The following VCAN variants were observed in gnomAD, a reference collection of about 807,000 sequenced individuals.
VCAN encodes the protein versican, also known as versican core protein.
VCAN carries 44 observed loss-of-function variants against 245.5 expected under a neutral mutation model. That is an observed-to-expected ratio of 0.18 (90% CI 0.14 to 0.23). The LOEUF is 0.23. Ranked by LOEUF, VCAN falls within the 10% of genes least tolerant of loss-of-function variation. The pLI is 1.00. For synonymous variants in VCAN, 1,413 were observed against 1,437.0 expected, an observed-to-expected ratio of 0.98 and a Z score of 0.38; for missense variants, 3,793 against 4,057.9, an observed-to-expected ratio of 0.93 and a Z score of 1.77.
In VCAN at chr5:83,537,326, G is replaced by A. The variant is rs2548541; in HGVS notation, c.4323G>A (p.Gln1441=). Residue 1441 remains glutamine (Q), a synonymous_variant, in exon 8 of 15, where the codon CAG becomes CAA. Coordinates refer to ENST00000265077, the MANE Select transcript of VCAN (RefSeq NM_004385.5). ...RGQFESVAPS[Q]NFSDSSESDT... ...AGTTTGAAAGTGTTGCACCTTCTCA[G>A]AATTTCTCGGACAGCTCTGAAAGTG... The A allele has an allele frequency of 0.62, 1,005,257 of 1,613,732 alleles. 315,623 individuals are homozygous for A. Among genetic ancestry groups the A allele is most frequent in the African/African-American group, 0.81 (60,606 of 74,958 alleles).
At position 83,519,623 on chromosome 5, in the gene VCAN, C is replaced by T; in HGVS notation, c.1317C>T (p.Tyr439=). The change falls in exon 7 of 15, where the codon TAC becomes TAT. Residue 439 remains tyrosine (Y), a synonymous_variant. Transcript: ENST00000265077. ...AGAAGCCCTGGGATATGGATGACTA[C>T]TCACCTTCTGCTTCAGGACCTCTTG... The part of the protein sequence containing the change: ...STKKPWDMDD[Y]SPSASGPLGK... 6.2e-7 allele frequency: 1 copy of T among 1,614,166 alleles called. No homozygotes were observed. Among genetic ancestry groups the T allele is most frequent in the Non-Finnish European group, 8.5e-7 (1 of 1,179,996 alleles).
rs957840587 is a variant in VCAN at position 83,516,104 on chromosome 5, C to T, written c.1043-3245C>T. On this transcript the variant is annotated intron_variant, in intron 6 of 14. Coordinates refer to ENST00000265077, the MANE Select transcript of VCAN (RefSeq NM_004385.5). ...AAAATTAGCCGGGCATGGTGGCGGGCGCCTGTAGTCCCAGTCCCTAACCCA... is the reference window on the plus strand; with the variant it reads ...AAAATTAGCCGGGCATGGTGGCGGGTGCCTGTAGTCCCAGTCCCTAACCCA... Among the ~76,000 whole-genome samples the T allele has an allele frequency of 7.2e-5, 11 of 152,006 alleles. No individual in the cohort carries two copies. The South Asian group carries it at 1.7e-3, about 23-fold the overall frequency.
chr5:83,558,601 T>A (rs2112478033), intron 12 of VCAN, among the ~76,000 whole-genome samples: 1 of 152,302 alleles, frequency 6.6e-6, no homozygotes, highest in African/African-American at 2.4e-5. Flanking sequence ...TCCATTTTAC[T>A]CAAATAATTA....
intron 12 of VCAN, among the ~76,000 whole-genome samples, chr5:83,558,575 GTC>G (rs1747757109): frequency 6.6e-6 from 1 of 151,920 alleles, no homozygotes; most frequent in African/African-American, 2.4e-5. Flanking sequence ...TTTATATTAG[GTC>G]TCAATTTCAA....
At position 83,553,441 on chromosome 5, in the gene VCAN, G is replaced by A; in HGVS notation, c.9571G>A (p.Asp3191Asn). ...ATACTTTGCCCATCGACGCACATGGGATGCAGCTGAACGGGAATGCCGTCT... is the reference window on the plus strand; with the variant it reads ...ATACTTTGCCCATCGACGCACATGGAATGCAGCTGAACGGGAATGCCGTCT... ...YKYFAHRRTW[D>N]AAERECRLQG... Residue 3191 changes from aspartate to asparagine, a missense_variant, in exon 11 of 15, where the codon GAT becomes AAT. Transcript: ENST00000265077. 2 of 1,614,070 alleles carry A rather than the reference G, an allele frequency of 1.2e-6. No homozygotes were observed.
chr5:83,556,269 C>T (rs543333818), intron 12 of VCAN, among the ~76,000 whole-genome samples: 4 of 152,222 alleles, frequency 2.6e-5, no homozygotes, highest in Non-Finnish European at 4.4e-5. Flanking sequence ...AATCACAAAG[C>T]TGTTAACTGA....
Position 83,520,035 on chromosome 5 carries a change from C to T in VCAN, c.1729C>T (p.Pro577Ser). The T allele has an allele frequency of 6.2e-7, 1 of 1,614,066 alleles. No individual in the cohort carries two copies. Reference sequence around the variant, plus strand: ...GAGCACCTTGATCTTTGACCAAATTCCTGAAGTCATTACGGTGTCAAAGAC... The same window carrying T: ...GAGCACCTTGATCTTTGACCAAATTTCTGAAGTCATTACGGTGTCAAAGAC... ...DESTLIFDQI[P>S]EVITVSKTSE... Residue 577 changes from proline (P) to serine (S), a missense_variant, in exon 7 of 15, where the codon CCT (proline) becomes TCT (serine). Physicochemically the swap from Pro to Ser is moderately conservative, Grantham distance 74. Coordinates refer to ENST00000265077, the MANE Select transcript of VCAN (RefSeq NM_004385.5).
chr5:83,578,572 C>T (rs1748559224), intron 13 of VCAN, among the ~76,000 whole-genome samples: 1 of 151,980 alleles, frequency 6.6e-6, no homozygotes, highest in South Asian at 2.1e-4. Flanking sequence ...CAAAATTTGT[C>T]ATTGCAGAAG....
chr5:83,536,930 A>C, intron 7 of VCAN, 77 bp from the exon 8 acceptor site: 2 of 1,286,240 alleles, frequency 1.6e-6, no homozygotes, highest in Admixed American at 5.0e-5. Flanking sequence ...GGGTGTGACC[A>C]GCCTTGCTAT....
chr5:83,509,606 G>A (rs187542614), intron 5 of VCAN, among the ~76,000 whole-genome samples: 1 of 152,142 alleles, frequency 6.6e-6, no homozygotes, highest in Admixed American at 6.5e-5. Context: ...TGGTAGTTTC[G>A]CCTTAAGGTA....
chr5:83,540,881 T>A lies in VCAN; in HGVS notation c.7878T>A (p.Ala2626=), dbSNP rs1746949668. 1 of 1,613,906 alleles carries A rather than the reference T, an allele frequency of 6.2e-7. No individual in the cohort carries two copies. Among genetic ancestry groups the A allele is most frequent in the Non-Finnish European group, 8.5e-7 (1 of 1,179,990 alleles). ...STQVQEIYEA[A]VNLSLTEETF... ...AAGTTCAAGAGATCTATGAGGCAGC[T>A]GTCAACCTTTCTTTAACTGAGGAAA... The change falls in exon 8 of 15, where the codon GCT becomes GCA. Residue 2626 remains alanine, a synonymous_variant. Coordinates refer to ENST00000265077, the MANE Select transcript of VCAN (RefSeq NM_004385.5).
intron 2 of VCAN, among the ~76,000 whole-genome samples, chr5:83,489,561 A>G (rs1050760337): frequency 1.3e-5 from 2 of 152,202 alleles, no homozygotes; most frequent in African/African-American, 4.8e-5. Flanking sequence ...GCATCCTTCA[A>G]ATGTTAGGCT....
chr5:83,488,356 T>A (rs1294642898), intron 2 of VCAN, among the ~76,000 whole-genome samples: 1 of 152,186 alleles, frequency 6.6e-6, no homozygotes, highest in Non-Finnish European at 1.5e-5. Flanking sequence ...GAAAAGGAAC[T>A]GAAAAGAACA....
chr5:83,512,130 G>A lies in VCAN; in HGVS notation c.776G>A (p.Ser259Asn). 6.2e-7 allele frequency: 1 copy of A among 1,613,980 alleles called. No homozygotes were observed. The highest frequency in any genetic ancestry group is 1.1e-5 in the South Asian group (1 of 91,074). Residue 259 changes from serine (S) to asparagine (N), a missense_variant, in exon 6 of 15, where the codon AGT becomes AAT. Coordinates refer to ENST00000265077, the MANE Select transcript of VCAN (RefSeq NM_004385.5). ...GATGTGTTCCACCTCACTGTCCCCA[G>A]TAAATTCACCTTCGAGGAGGCTGCA... ...DGDVFHLTVP[S>N]KFTFEEAAKE... is the part of the protein sequence containing the mutation.
intron 12 of VCAN, among the ~76,000 whole-genome samples, chr5:83,559,568 C>T (rs967396568): frequency 6.6e-6 from 1 of 152,090 alleles, no homozygotes; most frequent in African/African-American, 2.4e-5. Context: ...CATTTCATCT[C>T]ACAAACAGTC....
rs1317363446 is a variant in VCAN, at chr5:83,538,189, A to T, written c.5186A>T (p.Glu1729Val). Reference sequence around the variant, plus strand: ...GAGGAAAAGAAAAGGAAGGAGGAGGAGGGAACTACAGGTACGGCTTCTACA... The same window carrying T: ...GAGGAAAAGAAAAGGAAGGAGGAGGTGGGAACTACAGGTACGGCTTCTACA... ...TVEEKKRKEEEGTTGTASTFE... is the reference protein window; with the variant it reads ...TVEEKKRKEEVGTTGTASTFE... Residue 1729 changes from glutamate to valine, a missense_variant, in exon 8 of 15, where the codon GAG (glutamate) becomes GTG (valine). This residue lies in a region of VCAN where 3,182 missense variants were observed against 3,250.3 expected (regional missense o/e 0.98). Transcript: ENST00000265077. 2 of 1,613,932 alleles carry T rather than the reference A, an allele frequency of 1.2e-6. No homozygotes were observed. The highest frequency in any genetic ancestry group is 1.7e-6 in the Non-Finnish European group (2 of 1,179,976).
At chr5:83,542,669 T>C (rs1212589207) in intron 8 of VCAN, among the ~76,000 whole-genome samples, 2 of 152,216 alleles carry the variant, frequency 1.3e-5, no homozygotes, top group African/African-American at 4.8e-5. Flanking sequence ...CATTGATGGA[T>C]GCTATTGCTG....
chr5:83,540,884 C>A lies in VCAN; in HGVS notation c.7881C>A (p.Val2627=). The part of the protein sequence containing the change: ...TQVQEIYEAA[V]NLSLTEETFE... ...TTCAAGAGATCTATGAGGCAGCTGT[C>A]AACCTTTCTTTAACTGAGGAAACAT... The change falls in exon 8 of 15, where the codon GTC becomes GTA. Residue 2627 remains valine (V), a synonymous_variant. Transcript: ENST00000265077. 6.2e-7 allele frequency: 1 copy of A among 1,613,954 alleles called. No homozygotes were observed. The highest frequency in any genetic ancestry group is 1.1e-5 in the South Asian group (1 of 91,070).
intron 7 of VCAN, among the ~76,000 whole-genome samples, chr5:83,528,675 A>AATT (rs1746395264): frequency 6.6e-6 from 1 of 152,114 alleles, no homozygotes; most frequent in Non-Finnish European, 1.5e-5. Context: ...CATGGTTCAG[A>AATT]ATTACACACT....
Sources: allele counts gnomAD v4.1 joint callset (sites outside exome capture counted in the v4.1 genomes callset), GRCh38; gene constraint gnomAD v4.1.1; regional missense constraint gnomAD v4.1.1; transcripts MANE v1.5; gene names NCBI Gene and HGNC (gene_info 2026-07-23, HGNC 2026-07-21).